LHFPL3: variants seen among roughly 807,000 people sequenced by gnomAD.
The protein encoded by LHFPL3 is LHFPL tetraspan subfamily member 3, also known as LHFPL tetraspan subfamily member 3 protein.
A neutral mutation model predicts 19.3 loss-of-function variants in LHFPL3; 5 were observed. The ratio of observed to expected loss-of-function variants is 0.26; its 90% CI spans 0.14 to 0.54. The LOEUF is 0.54. LHFPL3 is among the 20% of genes least tolerant of loss of function. The pLI is 0.94. For synonymous variants in LHFPL3, 133 were observed against 126.2 expected, an observed-to-expected ratio of 1.05 and a Z score of -0.36; for missense variants, 249 against 307.4, an observed-to-expected ratio of 0.81 and a Z score of 1.42.
intron 1 of LHFPL3, among the ~76,000 whole-genome samples, chr7:104,568,948 G>C (rs1361630752): frequency 3.9e-5 from 6 of 152,180 alleles, no homozygotes; most frequent in Non-Finnish European, 7.4e-5. Context: ...TTATATGAAA[G>C]AGAAAGGCTA....
Position 104,560,897 on chromosome 7 carries a change from G to A in LHFPL3, c.446-175778G>A, listed in dbSNP as rs529693469. Among the ~76,000 whole-genome samples, 114 of 150,098 alleles carry A rather than the reference G, an allele frequency of 7.6e-4. 1 individual carries two copies. The highest frequency in any genetic ancestry group is 2.6e-3 in the African/African-American group (105 of 39,952). On this transcript the variant is annotated intron_variant, in intron 1 of 2. Transcript: ENST00000424859. ...GTATGTTGTGTCTTTGTTCTCGTTGGTTTCAAAGAACATCTTTATTTCTGC... is the reference window on the plus strand; with the variant it reads ...GTATGTTGTGTCTTTGTTCTCGTTGATTTCAAAGAACATCTTTATTTCTGC...
At chr7:104,356,920 C>T (rs1334233670) in intron 1 of LHFPL3, among the ~76,000 whole-genome samples, 1 of 152,184 alleles carries the variant, frequency 6.6e-6, no homozygotes, top group Non-Finnish European at 1.5e-5. Context: ...GCGAGCACTG[C>T]TGCCTGAGCC....
chr7:104,492,198 A>T (rs940689479), intron 1 of LHFPL3, among the ~76,000 whole-genome samples: 1 of 152,248 alleles, frequency 6.6e-6, no homozygotes, highest in African/African-American at 2.4e-5. Flanking sequence ...ATTGAATTTG[A>T]TTATAAAATA....
At chr7:104,503,947 T>C (rs1287693128) in intron 1 of LHFPL3, among the ~76,000 whole-genome samples, 5 of 152,218 alleles carry the variant, frequency 3.3e-5, no homozygotes. Flanking sequence ...ACTTTTGCTT[T>C]GTAGATCTTA....
chr7:104,396,611 C>T (rs913003844), intron 1 of LHFPL3, among the ~76,000 whole-genome samples: 1 of 145,742 alleles, frequency 6.9e-6, no homozygotes, highest in Non-Finnish European at 1.5e-5. Context: ...GATTCTCCTG[C>T]ATTTTTGCCA....
At chr7:104,568,486 C>T (rs1307219095) in intron 1 of LHFPL3, among the ~76,000 whole-genome samples, 2 of 152,198 alleles carry the variant, frequency 1.3e-5, no homozygotes, top group Non-Finnish European at 2.9e-5. Context: ...TGTTAAATAA[C>T]TTAGCCAAGG....
At chr7:104,523,569 A>G (rs541728968) in intron 1 of LHFPL3, among the ~76,000 whole-genome samples, 1 of 152,290 alleles carries the variant, frequency 6.6e-6, no homozygotes, top group South Asian at 2.1e-4. Context: ...CTTCTAGTCT[A>G]TAGGCCAGGC....
chr7:104,343,134 G>A (rs955985691), intron 1 of LHFPL3, among the ~76,000 whole-genome samples: 2 of 151,688 alleles, frequency 1.3e-5, no homozygotes, highest in African/African-American at 4.9e-5. Context: ...TCGTCTCCAA[G>A]TCTCATGATG....
chr7:104,568,658 G>C (rs1790168065), intron 1 of LHFPL3, among the ~76,000 whole-genome samples: 1 of 152,176 alleles, frequency 6.6e-6, no homozygotes, highest in African/African-American at 2.4e-5. Flanking sequence ...CCTGATTGCA[G>C]CCTATATGCT....
chr7:104,854,491 G>A (rs944829974), intron 2 of LHFPL3, among the ~76,000 whole-genome samples: 1 of 152,188 alleles, frequency 6.6e-6, no homozygotes, highest in Admixed American at 6.5e-5. Context: ...CTGAAGAAAT[G>A]TATTTCAGGA....
intron 1 of LHFPL3, among the ~76,000 whole-genome samples, chr7:104,524,628 A>G (rs1221417799): frequency 6.6e-6 from 1 of 152,188 alleles, no homozygotes; most frequent in Non-Finnish European, 1.5e-5. Context: ...GACTCACAGT[A>G]TTGTTCGAGT....
At chr7:104,841,709 T>C (rs1254282464) in intron 2 of LHFPL3, among the ~76,000 whole-genome samples, 2 of 152,184 alleles carry the variant, frequency 1.3e-5, no homozygotes, top group Non-Finnish European at 2.9e-5. Context: ...TTTTACTAGC[T>C]ATGATATAAA....
intron 1 of LHFPL3, among the ~76,000 whole-genome samples, chr7:104,368,617 T>C (rs1417828092): frequency 6.6e-6 from 1 of 151,968 alleles, no homozygotes; most frequent in African/African-American, 2.4e-5. Context: ...CCTTAGCATC[T>C]TTGTCCTTTT....
Position 104,608,611 on chromosome 7 carries a change from C to T in LHFPL3, c.446-128064C>T, listed in dbSNP as rs559854098. On this transcript the variant is annotated intron_variant, in intron 1 of 2. Transcript: ENST00000424859. ...TGTATACATATGTAACAAACCTGCA[C>T]ATTGTGCACATGTACCCTAAAACTT... 2.5e-3 allele frequency among the ~76,000 whole-genome samples: 382 copies of T among 151,908 alleles called. 3 individuals carry two copies. Among genetic ancestry groups the T allele is most frequent in the African/African-American group, 8.8e-3 (366 of 41,420 alleles).
At chr7:104,442,630 A>C (rs1324826873) in intron 1 of LHFPL3, among the ~76,000 whole-genome samples, 1 of 152,208 alleles carries the variant, frequency 6.6e-6, no homozygotes, top group Non-Finnish European at 1.5e-5. Context: ...GATTCTCTGA[A>C]TATTTCTTCA....
At chr7:104,649,606 T>C (rs1791993304) in intron 1 of LHFPL3, among the ~76,000 whole-genome samples, 1 of 152,138 alleles carries the variant, frequency 6.6e-6, no homozygotes, top group Non-Finnish European at 1.5e-5. Context: ...AACCATAACA[T>C]TTGATGGATT....
At chr7:104,548,304 AAAGT>A (rs1159748876) in intron 1 of LHFPL3, among the ~76,000 whole-genome samples, 1 of 152,208 alleles carries the variant, frequency 6.6e-6, no homozygotes, top group East Asian at 1.9e-4. Context: ...CAATAAAATG[AAAGT>A]AAGAGAAAAA....
chr7:104,904,925 A>G (rs1184665849), intron 2 of LHFPL3, among the ~76,000 whole-genome samples: 2 of 152,196 alleles, frequency 1.3e-5, no homozygotes, highest in African/African-American at 2.4e-5. Flanking sequence ...AGGAAAAGTA[A>G]TTATCCCCTG....
chr7:104,408,760 C>T (rs1450174173), intron 1 of LHFPL3, among the ~76,000 whole-genome samples: 2 of 152,038 alleles, frequency 1.3e-5, no homozygotes, highest in African/African-American at 2.4e-5. Context: ...CATGTTCTCA[C>T]TCATTGGAAT....
Sources: gnomAD v4.1 joint callset for allele counts (sites outside exome capture counted in the v4.1 genomes callset) on GRCh38, gnomAD v4.1.1 for gene constraint, MANE v1.5 for transcripts, NCBI Gene and HGNC (gene_info 2026-07-23, HGNC 2026-07-21) for gene names.